Variants in GRM8 observed in about 807,000 individuals in gnomAD.
The protein encoded by GRM8 is metabotropic glutamate receptor 8.
In GRM8, 47 loss-of-function variants were observed where a neutral mutation model predicts 87.2. The ratio of observed to expected loss-of-function variants is 0.54; its 90% CI spans 0.43 to 0.69. The LOEUF (loss-of-function observed/expected upper bound fraction) is 0.69, where lower values mean the gene tolerates loss of function less well. Among genes scored for constraint, GRM8 ranks in the 30% least tolerant of loss-of-function variants. GRM8 has a pLI of 0.00. For missense variants in GRM8, 1,019 were observed against 1,139.2 expected, an observed-to-expected ratio of 0.89 and a Z score of 1.52; for synonymous variants, 396 against 404.5, an observed-to-expected ratio of 0.98 and a Z score of 0.25.
intron 6 of GRM8, among the ~76,000 whole-genome samples, chr7:126,848,370 C>T (rs539950980): frequency 2.0e-5 from 3 of 152,230 alleles, no homozygotes; most frequent in African/African-American, 7.2e-5. Context: ...AAAGTACACA[C>T]TGAATTTTGA....
chr7:126,472,589 C>A (rs1437142600), intron 9 of GRM8, among the ~76,000 whole-genome samples: 5 of 152,118 alleles, frequency 3.3e-5, no homozygotes, highest in African/African-American at 1.2e-4. Context: ...GCTGACAATG[C>A]AATAGAAAGT....
At chr7:126,547,764 G>T (rs1247949725) in intron 8 of GRM8, among the ~76,000 whole-genome samples, 1 of 151,964 alleles carries the variant, frequency 6.6e-6, no homozygotes, top group African/African-American at 2.4e-5. Flanking sequence ...TGAAATTCTA[G>T]ATTAAAACAT....
intron 7 of GRM8, among the ~76,000 whole-genome samples, chr7:126,736,301 A>G (rs1814216661): frequency 6.6e-6 from 1 of 152,066 alleles, no homozygotes. Context: ...TAAATTCTTA[A>G]GCCATTTTTA....
chr7:126,506,429 T>C (rs1013403814), intron 9 of GRM8, among the ~76,000 whole-genome samples: 3 of 152,040 alleles, frequency 2.0e-5, no homozygotes, highest in Non-Finnish European at 4.4e-5. Context: ...ACTGCAAACT[T>C]CCAGAAGGGA....
At chr7:126,638,645 T>A (rs996519635) in intron 7 of GRM8, among the ~76,000 whole-genome samples, 11 of 152,152 alleles carry the variant, frequency 7.2e-5, no homozygotes, top group Non-Finnish European at 1.6e-4. Flanking sequence ...GCCAGCAGGA[T>A]AAAAAGCAAT....
At chr7:126,559,980 C>G (rs1199651682) in intron 8 of GRM8, among the ~76,000 whole-genome samples, 1 of 152,160 alleles carries the variant, frequency 6.6e-6, no homozygotes, top group Non-Finnish European at 1.5e-5. Context: ...TCTGAGAAAG[C>G]TGGACTGACA....
At chr7:126,992,432 T>A (rs958579184) in intron 3 of GRM8, among the ~76,000 whole-genome samples, 1 of 152,126 alleles carries the variant, frequency 6.6e-6, no homozygotes, top group African/African-American at 2.4e-5. Context: ...ACAAGTTCAA[T>A]AGAAAACAAC....
chr7:126,771,367 C>T (rs928597288), intron 6 of GRM8, among the ~76,000 whole-genome samples: 1 of 151,476 alleles, frequency 6.6e-6, no homozygotes, highest in East Asian at 1.9e-4. Flanking sequence ...TTTAGATGCT[C>T]TTGGTTGGTA....
chr7:127,174,164 C>T (rs1793965438), intron 2 of GRM8, among the ~76,000 whole-genome samples: 1 of 152,138 alleles, frequency 6.6e-6, no homozygotes, highest in African/African-American at 2.4e-5. Flanking sequence ...CAAACGTACA[C>T]AAGATGTACG....
intron 7 of GRM8, among the ~76,000 whole-genome samples, chr7:126,762,873 C>A (rs1196308953): frequency 6.6e-6 from 1 of 151,530 alleles, no homozygotes; most frequent in Non-Finnish European, 1.5e-5. Context: ...CAATGCTGAT[C>A]AATATAATAC....
At chr7:126,838,482 G>A (rs548633467) in intron 6 of GRM8, among the ~76,000 whole-genome samples, 2 of 152,320 alleles carry the variant, frequency 1.3e-5, no homozygotes, top group South Asian at 4.1e-4. Context: ...TTAAAGAAGT[G>A]ATTCATAACC....
intron 7 of GRM8, among the ~76,000 whole-genome samples, chr7:126,649,644 G>A (rs1803569407): frequency 6.6e-6 from 1 of 152,146 alleles, no homozygotes; most frequent in African/African-American, 2.4e-5. Context: ...CTAAGGTGAA[G>A]GATAAGTTGC....
intron 7 of GRM8, among the ~76,000 whole-genome samples, chr7:126,615,133 G>A (rs1427291779): frequency 1.3e-5 from 2 of 152,074 alleles, no homozygotes; most frequent in African/African-American, 4.8e-5. Flanking sequence ...AGAAATGTAG[G>A]GTTACCCACA....
At chr7:126,656,768 A>G (rs779097375) in intron 7 of GRM8, among the ~76,000 whole-genome samples, 1 of 152,222 alleles carries the variant, frequency 6.6e-6, no homozygotes, top group African/African-American at 2.4e-5. Flanking sequence ...TTATTTCTGC[A>G]TGTTGGAGAT....
Position 126,714,249 on chromosome 7 carries a change from G to A in GRM8, c.1357+55616C>T, listed in dbSNP as rs927110377. ...GCCTAGATCGTGCCACTCTACTCCCGTCTGGGTGACAGAGCAAGACTCCAT... is the reference window on the plus strand; with the variant it reads ...GCCTAGATCGTGCCACTCTACTCCCATCTGGGTGACAGAGCAAGACTCCAT... On this transcript the variant is annotated intron_variant, in intron 7 of 10. Transcript: ENST00000339582. Among the ~76,000 whole-genome samples the A allele has an allele frequency of 1.1e-4, 16 of 149,210 alleles. No individual in the cohort carries two copies. In the East Asian group the frequency reaches 1.6e-3, roughly 15 times the overall value.
intron 8 of GRM8, among the ~76,000 whole-genome samples, chr7:126,538,003 G>T (rs983106521): frequency 2.0e-5 from 3 of 152,100 alleles, no homozygotes; most frequent in Non-Finnish European, 4.4e-5. Flanking sequence ...GACGTTTTCA[G>T]TCTGAAATAC....
At chr7:126,482,443 A>G (rs1806804342) in intron 9 of GRM8, among the ~76,000 whole-genome samples, 1 of 152,036 alleles carries the variant, frequency 6.6e-6, no homozygotes, top group African/African-American at 2.4e-5. Flanking sequence ...AATGTGGTAT[A>G]AACATACTAT....
At chr7:127,122,914 G>A (rs188456863) in intron 2 of GRM8, among the ~76,000 whole-genome samples, 3 of 152,230 alleles carry the variant, frequency 2.0e-5, no homozygotes, top group East Asian at 1.9e-4. Context: ...GAAGACTAGG[G>A]ACTAAGGGTA....
At chr7:126,736,799 T>C (rs747158821) in intron 7 of GRM8, among the ~76,000 whole-genome samples, 1 of 152,070 alleles carries the variant, frequency 6.6e-6, no homozygotes, top group Non-Finnish European at 1.5e-5. Flanking sequence ...AGTAATACTG[T>C]TGAGTTTCTA....
Sources: allele counts gnomAD v4.1 joint callset (sites outside exome capture counted in the v4.1 genomes callset), GRCh38; gene constraint gnomAD v4.1.1; transcripts MANE v1.5; gene names NCBI Gene and HGNC (gene_info 2026-07-23, HGNC 2026-07-21).